The following ARMC1 variants were observed in gnomAD, a reference collection of about 807,000 sequenced individuals.
ARMC1 encodes armadillo repeat-containing protein 1.
Under a neutral mutation model 31.4 loss-of-function variants are expected in ARMC1, and 16 were observed. The ratio of observed to expected loss-of-function variants is 0.51; its 90% CI spans 0.34 to 0.77. The LOEUF (loss-of-function observed/expected upper bound fraction) is 0.77, where lower values mean the gene tolerates loss of function less well. Among genes scored for constraint, ARMC1 ranks in the 30% least tolerant of loss-of-function variants. The probability of loss-of-function intolerance (pLI) is 0.01; values close to 1 mark genes in which losing one functional copy is unlikely to be tolerated. For missense variants in ARMC1, 259 were observed against 347.5 expected, an observed-to-expected ratio of 0.75 and a Z score of 2.02; for synonymous variants, 114 against 118.9, an observed-to-expected ratio of 0.96 and a Z score of 0.27.
At position 65,631,526 on chromosome 8, in the gene ARMC1, G is replaced by A. The variant is rs369675145; in HGVS notation, c.-36+2472C>T. Among the ~76,000 whole-genome samples, 553 of 152,290 alleles carry A rather than the reference G, an allele frequency of 3.6e-3. 5 individuals carry two copies. The highest frequency in any genetic ancestry group is 6.7e-3 in the Non-Finnish European group (458 of 68,030). On this transcript the variant is annotated intron_variant, in intron 1 of 6. Coordinates refer to ENST00000276569, the MANE Select transcript of ARMC1 (RefSeq NM_018120.6). ...TGGGATTACAGGCGTGAGCCACCAC[G>A]CCTGGCCATTGCTTGAATTCTGTTA... is the stretch of plus-strand genomic sequence containing the variant.
chr8:65,633,265 G>C (rs760108205), intron 1 of ARMC1, among the ~76,000 whole-genome samples: 6 of 152,222 alleles, frequency 3.9e-5, no homozygotes, highest in Non-Finnish European at 8.8e-5. Context: ...ATTCAGTTAG[G>C]TGGGCTTTGA....
rs569939970 is a variant in ARMC1 at position 65,616,164 on chromosome 8, G to A, written c.276-2731C>T. On this transcript the variant is annotated intron_variant, in intron 3 of 6. Transcript: ENST00000276569. ...TCCCTCTCCCCTCTCCCCTCTTCCCGGTCTCCCTCTGATGCCGAGCGGAAG... is the reference window on the plus strand; with the variant it reads ...TCCCTCTCCCCTCTCCCCTCTTCCCAGTCTCCCTCTGATGCCGAGCGGAAG... 1.7e-4 allele frequency among the ~76,000 whole-genome samples: 26 copies of A among 152,236 alleles called. No individual in the cohort carries two copies. The South Asian group carries it at 2.3e-3, about 13-fold the overall frequency.
At chr8:65,626,019 G>C (rs1421843280) in intron 2 of ARMC1, among the ~76,000 whole-genome samples, 1 of 151,704 alleles carries the variant, frequency 6.6e-6, no homozygotes, top group Non-Finnish European at 1.5e-5. Flanking sequence ...CTCCTGAGTA[G>C]CTGGGATTTC....
intron 4 of ARMC1, among the ~76,000 whole-genome samples, chr8:65,612,947 C>G (rs1808173545): frequency 6.6e-6 from 1 of 152,086 alleles, no homozygotes. Context: ...TATATCCTTA[C>G]TGATTTTCTG....
chr8:65,611,120 G>C (rs1192262212), intron 4 of ARMC1, among the ~76,000 whole-genome samples: 2 of 152,058 alleles, frequency 1.3e-5, no homozygotes, highest in East Asian at 3.9e-4. Context: ...TTTTAGTAGA[G>C]ATGGGATTTT....
intron 3 of ARMC1, among the ~76,000 whole-genome samples, chr8:65,616,614 T>C (rs1161258731): frequency 3.6e-5 from 5 of 138,308 alleles, no homozygotes; most frequent in Admixed American, 7.4e-5. Context: ...ATGTGAGGAG[T>C]GCCTCTGCCC....
At chr8:65,613,155 C>A in intron 4 of ARMC1, 89 bp downstream of exon 4, 1 of 1,093,476 alleles carries the variant, frequency 9.1e-7, no homozygotes, top group Non-Finnish European at 1.3e-6. Context: ...ATACTGATAT[C>A]GAGATTTATT....
At chr8:65,628,629 A>G (rs1197740996) in intron 1 of ARMC1, among the ~76,000 whole-genome samples, 10 of 143,188 alleles carry the variant, frequency 7.0e-5, no homozygotes, top group South Asian at 2.3e-4. Flanking sequence ...AGGCCGAGGC[A>G]GGCAGATCTC....
chr8:65,626,434 T>G (rs897056964), intron 2 of ARMC1, among the ~76,000 whole-genome samples: 24 of 97,664 alleles, frequency 2.5e-4, no homozygotes, highest in Non-Finnish European at 3.8e-4. Flanking sequence ...CTACATCCTA[T>G]CTCTACTAAA....
intron 4 of ARMC1, 124 bp downstream of exon 4, chr8:65,613,120 C>A: frequency 1.4e-6 from 1 of 714,078 alleles, no homozygotes; most frequent in Non-Finnish European, 2.1e-6. Context: ...CTCTTTAGCA[C>A]AAAATGACCC....
intron 2 of ARMC1, among the ~76,000 whole-genome samples, chr8:65,625,321 G>C (rs140848171): frequency 6.6e-6 from 1 of 152,150 alleles, no homozygotes; most frequent in Admixed American, 6.5e-5. Flanking sequence ...ACCTGGCCAA[G>C]TAACAACTCT....
chr8:65,605,595 G>A, intron 4 of ARMC1, 57 bp from the exon 5 acceptor site: 1 of 1,256,062 alleles, frequency 8.0e-7, no homozygotes, highest in Non-Finnish European at 1.2e-6. Flanking sequence ...TAATAAATCA[G>A]TGAAAACCAA....
chr8:65,625,101 G>T (rs1808486421), intron 2 of ARMC1, among the ~76,000 whole-genome samples: 1 of 152,102 alleles, frequency 6.6e-6, no homozygotes, highest in African/African-American at 2.4e-5. Context: ...AGCCTGGGTG[G>T]CAAGAGCAAA....
chr8:65,619,940 C>T (rs984171008), intron 3 of ARMC1, among the ~76,000 whole-genome samples: 9 of 148,194 alleles, frequency 6.1e-5, no homozygotes, highest in Admixed American at 2.7e-4. Flanking sequence ...ACCAAGATCG[C>T]GCCATTGCAC....
rs758655021 is a variant in ARMC1 at position 65,627,434 on chromosome 8, C to T, written c.-35-1G>A. The T allele has an allele frequency of 1.3e-6, 2 of 1,497,600 alleles. No homozygotes were observed. Among genetic ancestry groups the T allele is most frequent in the East Asian group, 4.7e-5 (2 of 42,678 alleles). 92.8% of individuals were successfully genotyped at this position (1,497,600 alleles called of 1,614,324 possible). On this transcript the variant is annotated splice_acceptor_variant, in intron 1 of 6. Transcript: ENST00000276569. LOFTEE classifies it low-confidence loss of function (5UTR_SPLICE). ...ATGCACATGAATAAAATCTTAAATTCTGTAGAAAAGGTTTGCAGAATTAGT... is the reference window on the plus strand; with the variant it reads ...ATGCACATGAATAAAATCTTAAATTTTGTAGAAAAGGTTTGCAGAATTAGT...
At chr8:65,633,129 A>ATT (rs1431544161) in intron 1 of ARMC1, 1 of 152,220 alleles carries the variant, frequency 6.6e-6, no homozygotes, top group Admixed American at 6.5e-5. Flanking sequence ...CATGTGAGAC[A>ATT]CCTGTAATTA....
chr8:65,612,575 T>C (rs1808164596), intron 4 of ARMC1, among the ~76,000 whole-genome samples: 1 of 151,944 alleles, frequency 6.6e-6, no homozygotes, highest in African/African-American at 2.4e-5. Flanking sequence ...TCAAAGAACA[T>C]GCTTTGGGCC....
chr8:65,621,844 T>C (rs1372360443), intron 3 of ARMC1, among the ~76,000 whole-genome samples: 2 of 152,240 alleles, frequency 1.3e-5, no homozygotes, highest in African/African-American at 2.4e-5. Context: ...CAGCACCATC[T>C]TAACTTTCTT....
At chr8:65,616,495 C>T (rs1585710049) in intron 3 of ARMC1, among the ~76,000 whole-genome samples, 1 of 152,154 alleles carries the variant, frequency 6.6e-6, no homozygotes. Flanking sequence ...ACCTCCACCT[C>T]CCAGCCGCCT....
Sources: gnomAD v4.1 joint callset for allele counts (sites outside exome capture counted in the v4.1 genomes callset) on GRCh38, gnomAD v4.1.1 for gene constraint, MANE v1.5 for transcripts, NCBI Gene and HGNC (gene_info 2026-07-23, HGNC 2026-07-21) for gene names.